Variants in FBXO15 observed in about 807,000 individuals in gnomAD.
The protein encoded by FBXO15 is F-box protein 15.
Under a neutral mutation model 49.5 loss-of-function variants are expected in FBXO15, and 30 were observed. The observed-to-expected ratio is 0.61, with a 90% confidence interval of 0.45 to 0.82. The LOEUF (loss-of-function observed/expected upper bound fraction) is 0.82, where lower values mean the gene tolerates loss of function less well. FBXO15 is among the 40% of genes least tolerant of loss of function. FBXO15 has a pLI of 0.00. For synonymous variants in FBXO15, 250 were observed against 232.7 expected (o/e 1.07, Z -0.68); for missense variants, 591 against 631.5 (o/e 0.94, Z 0.69).
intron 8 of FBXO15, chr18:74,122,504 A>G (rs1172032921): frequency 6.6e-6 from 1 of 152,250 alleles, no homozygotes; most frequent in Non-Finnish European, 1.5e-5. Context: ...TTAGAAAATC[A>G]ACATTTTTAA....
intron 5 of FBXO15, among the ~76,000 whole-genome samples, chr18:74,126,929 G>A (rs1978290388): frequency 6.6e-6 from 1 of 152,250 alleles, no homozygotes; most frequent in Admixed American, 6.5e-5. Flanking sequence ...GGTAAGGAGA[G>A]ACGGTCGGTG....
At chr18:74,086,957 G>A (rs1912768174) in intron 8 of FBXO15, among the ~76,000 whole-genome samples, 1 of 152,010 alleles carries the variant, frequency 6.6e-6, no homozygotes. Flanking sequence ...TAGACCACAG[G>A]AATAAAGCAA....
chr18:74,124,331 A>G (rs1914608270), intron 7 of FBXO15, among the ~76,000 whole-genome samples, 158 bp downstream of exon 7: 1 of 152,224 alleles, frequency 6.6e-6, no homozygotes, highest in Non-Finnish European at 1.5e-5. Flanking sequence ...GAATAATCCA[A>G]TTATTTTAGC....
In FBXO15 at chr18:74,082,115, T is replaced by C. The variant is rs2145106505; in HGVS notation, c.1139-64A>G. On this transcript the variant is annotated intron_variant, in intron 8 of 9. Transcript: ENST00000419743. The stretch of plus-strand genomic sequence containing the variant: ...GTGCAAGATGACAAACCAAGCACGT[T>C]CAGTCGGCGACTTTATAAGGATACC... 3 of 1,569,848 alleles carry C rather than the reference T, an allele frequency of 1.9e-6. 1 individual carries two copies. In the South Asian group the frequency reaches 3.5e-5, roughly 18 times the overall value.
intron 8 of FBXO15, among the ~76,000 whole-genome samples, chr18:74,092,807 C>G (rs1232103238): frequency 6.6e-6 from 1 of 152,100 alleles, no homozygotes; most frequent in African/African-American, 2.4e-5. Context: ...ATGGGTGGTG[C>G]CAGATAAAGC....
At chr18:74,084,007 C>T (rs908029054) in intron 8 of FBXO15, among the ~76,000 whole-genome samples, 6 of 152,142 alleles carry the variant, frequency 3.9e-5, no homozygotes, top group Non-Finnish European at 7.3e-5. Flanking sequence ...AGTAACTCGC[C>T]CAAGGTCAGA....
intron 9 of FBXO15, 72 bp downstream of exon 9, chr18:74,081,855 A>T: frequency 9.9e-7 from 1 of 1,008,290 alleles, no homozygotes; most frequent in Non-Finnish European, 1.4e-6. Flanking sequence ...AATATAATTT[A>T]TATATATAAA....
chr18:74,083,509 C>A (rs549180329), intron 8 of FBXO15, among the ~76,000 whole-genome samples: 1 of 152,316 alleles, frequency 6.6e-6, no homozygotes, highest in East Asian at 1.9e-4. Context: ...GGCAGGCAGC[C>A]GACGGCGCCT....
intron 9 of FBXO15, among the ~76,000 whole-genome samples, chr18:74,078,207 G>T (rs944558229): frequency 3.3e-5 from 5 of 152,122 alleles, no homozygotes; most frequent in Admixed American, 1.3e-4. Flanking sequence ...AGTTCTCAAA[G>T]TCCAGCATTC....
At position 74,121,371 on chromosome 18, in the gene FBXO15, T is replaced by G. The variant is rs189254275; in HGVS notation, c.1138+1997A>C. Among the ~76,000 whole-genome samples the G allele has an allele frequency of 5.7e-4, 87 of 152,270 alleles. No homozygotes were observed. The East Asian group carries it at 0.014, about 24-fold the overall frequency. Reference sequence around the variant, plus strand: ...TAAAACGAAAGAGAAGTAACAAGAATTAAATACTTCATAAATATCTTAACA... The same window carrying G: ...TAAAACGAAAGAGAAGTAACAAGAAGTAAATACTTCATAAATATCTTAACA... On this transcript the variant is annotated intron_variant, in intron 8 of 9. Transcript: ENST00000419743.
chr18:74,080,763 T>G (rs1912459016), intron 9 of FBXO15, among the ~76,000 whole-genome samples: 1 of 152,254 alleles, frequency 6.6e-6, no homozygotes, highest in Non-Finnish European at 1.5e-5. Flanking sequence ...TAAAGCTTTC[T>G]TTGTATAATT....
chr18:74,147,337 G>A (rs1323562958), intron 1 of FBXO15, among the ~76,000 whole-genome samples: 2 of 152,130 alleles, frequency 1.3e-5, no homozygotes, highest in African/African-American at 2.4e-5. Flanking sequence ...TACGAAGGCA[G>A]GGGCGGAGCA....
chr18:74,084,806 G>A (rs1244127337), intron 8 of FBXO15, among the ~76,000 whole-genome samples: 1 of 152,034 alleles, frequency 6.6e-6, no homozygotes, highest in African/African-American at 2.4e-5. Context: ...GTATAACCAC[G>A]GTCAAGTTCC....
chr18:74,140,164 G>A, intron 2 of FBXO15, 38 bp downstream of exon 2: 1 of 1,512,740 alleles, frequency 6.6e-7, no homozygotes, highest in Middle Eastern at 1.7e-4. Context: ...CCCATGCCTA[G>A]AGGCCCCCAA....
chr18:74,085,260 T>C (rs998614724), intron 8 of FBXO15, among the ~76,000 whole-genome samples: 2 of 151,936 alleles, frequency 1.3e-5, no homozygotes, highest in Non-Finnish European at 2.9e-5. Context: ...AGACTTACTA[T>C]AGAGCTACAG....
intron 7 of FBXO15, among the ~76,000 whole-genome samples, chr18:74,124,200 G>C (rs949315148): frequency 2.0e-5 from 3 of 152,186 alleles, no homozygotes; most frequent in African/African-American, 7.2e-5. Flanking sequence ...TCACATAAGA[G>C]CAAGAACTTG....
intron 8 of FBXO15, among the ~76,000 whole-genome samples, chr18:74,092,661 C>T (rs1460822674): frequency 6.6e-6 from 1 of 152,152 alleles, no homozygotes; most frequent in Non-Finnish European, 1.5e-5. Flanking sequence ...CTCAGCTCAG[C>T]ACCCCTAGGC....
chr18:74,130,556 T>C lies in FBXO15; in HGVS notation c.435A>G (p.Ser145=). The C allele has an allele frequency of 6.2e-7, 1 of 1,614,198 alleles. No homozygotes were observed. The highest frequency in any genetic ancestry group is 8.5e-7 in the Non-Finnish European group (1 of 1,180,024). ...AATAACCAGCTTCTTTATCCTGAAC[T>C]GACAGAAAGCTCATAGACATAGCTA... The part of the protein sequence containing the change: ...EKIAMSMSFL[S]VQDKEAGYWK... The change falls in exon 4 of 10, where the codon TCA becomes TCG. Residue 145 remains serine, a synonymous_variant. Coordinates refer to ENST00000419743, the MANE Select transcript of FBXO15 (RefSeq NM_001142958.2).
chr18:74,137,958 G>A (rs912742074), intron 2 of FBXO15, among the ~76,000 whole-genome samples: 3 of 152,048 alleles, frequency 2.0e-5, no homozygotes, highest in East Asian at 1.9e-4. Flanking sequence ...CCCCTATTCC[G>A]ATGGAGAATG....
Sources: allele counts gnomAD v4.1 joint callset (sites outside exome capture counted in the v4.1 genomes callset), GRCh38; gene constraint gnomAD v4.1.1; transcripts MANE v1.5; gene names NCBI Gene and HGNC (gene_info 2026-07-23, HGNC 2026-07-21).